Variants in SLC39A12 observed in about 807,000 individuals in gnomAD.
SLC39A12 encodes solute carrier family 39 member 12.
SLC39A12 carries 63 observed loss-of-function variants against 71.1 expected under a neutral mutation model. The ratio of observed to expected loss-of-function variants is 0.89; its 90% confidence interval spans 0.72 to 1.09. SLC39A12 has a LOEUF of 1.09. Ranked by LOEUF, SLC39A12 falls within the 50% of genes least tolerant of loss-of-function variation. The pLI is 0.00. For synonymous variants in SLC39A12, 351 were observed against 301.3 expected (o/e 1.16, Z -1.71); for missense variants, 892 against 812.6 (o/e 1.10, Z -1.19).
intron 4 of SLC39A12, among the ~76,000 whole-genome samples, chr10:17,970,441 T>C (rs1293864744): frequency 6.6e-6 from 1 of 152,220 alleles, no homozygotes; most frequent in African/African-American, 2.4e-5. Context: ...TCCATTTTCT[T>C]GGTGTCTTCT....
chr10:18,023,298 CT>C (rs1467717737), intron 12 of SLC39A12, among the ~76,000 whole-genome samples: 3 of 152,172 alleles, frequency 2.0e-5, no homozygotes, highest in Admixed American at 2.0e-4. Context: ...CAAGCCCAAG[CT>C]GCCTGGTAAA....
At chr10:18,040,263 C>G (rs1251588825) in intron 12 of SLC39A12, among the ~76,000 whole-genome samples, 1 of 151,986 alleles carries the variant, frequency 6.6e-6, no homozygotes, top group Non-Finnish European at 1.5e-5. Flanking sequence ...TTAAACCTGG[C>G]ATAAAGACAC....
intron 2 of SLC39A12, 67 bp from the exon 3 acceptor site, chr10:17,961,514 A>G: frequency 6.9e-7 from 1 of 1,458,640 alleles, no homozygotes; most frequent in Non-Finnish European, 9.3e-7. Flanking sequence ...CCTGGTGGTC[A>G]TTAGTGTTCT....
chr10:18,041,893 A>ATGTG (rs1837265767), intron 12 of SLC39A12, among the ~76,000 whole-genome samples: 1 of 148,372 alleles, frequency 6.7e-6, no homozygotes, highest in African/African-American at 2.5e-5. Flanking sequence ...ACACACATAT[A>ATGTG]TGTATATGTA....
At chr10:17,978,197 AT>A in intron 5 of SLC39A12, 123 bp downstream of exon 5, 1 of 762,622 alleles carries the variant, frequency 1.3e-6, no homozygotes, top group Non-Finnish European at 1.9e-6. Context: ...AAGTAAAAAT[AT>A]TCTAGTTCCA....
chr10:18,028,827 C>T (rs1450014864), intron 12 of SLC39A12, among the ~76,000 whole-genome samples: 1 of 152,104 alleles, frequency 6.6e-6, no homozygotes, highest in South Asian at 2.1e-4. Context: ...TCAAGCAACC[C>T]TCCAGCCTCA....
At chr10:18,027,766 GT>G (rs1271119573) in intron 12 of SLC39A12, among the ~76,000 whole-genome samples, 3 of 152,192 alleles carry the variant, frequency 2.0e-5, no homozygotes, top group African/African-American at 7.2e-5. Flanking sequence ...TGGTTTTTCA[GT>G]TGATCAGCTT....
intron 9 of SLC39A12, among the ~76,000 whole-genome samples, chr10:17,994,371 A>G (rs1835632049): frequency 6.6e-6 from 1 of 152,144 alleles, no homozygotes; most frequent in African/African-American, 2.4e-5. Flanking sequence ...AACTTTTAGG[A>G]GTGTTTGATG....
chr10:18,036,277 C>G (rs1225344381), intron 12 of SLC39A12, among the ~76,000 whole-genome samples: 1 of 152,234 alleles, frequency 6.6e-6, no homozygotes, highest in South Asian at 2.1e-4. Context: ...TGATCTCAGA[C>G]TGCTGTGCCA....
intron 2 of SLC39A12, among the ~76,000 whole-genome samples, chr10:17,956,066 T>C (rs1157975100): frequency 2.6e-5 from 4 of 152,040 alleles, no homozygotes; most frequent in African/African-American, 9.7e-5. Flanking sequence ...GAGGACCACA[T>C]GGACAAACAC....
At chr10:18,015,851 A>G (rs1836364886) in intron 12 of SLC39A12, among the ~76,000 whole-genome samples, 2 of 152,226 alleles carry the variant, frequency 1.3e-5, no homozygotes, top group African/African-American at 4.8e-5. Context: ...GAATGAGGCT[A>G]GCATGACTGA....
intron 4 of SLC39A12, among the ~76,000 whole-genome samples, chr10:17,976,881 G>A (rs1469621390): frequency 2.6e-5 from 4 of 152,090 alleles, no homozygotes; most frequent in South Asian, 2.1e-4. Context: ...ATTTCCTCTA[G>A]TATTTTTTCT....
intron 2 of SLC39A12, 95 bp downstream of exon 2, chr10:17,953,632 C>T: frequency 1.4e-6 from 2 of 1,384,342 alleles, no homozygotes; most frequent in Non-Finnish European, 9.7e-7. Context: ...AAATCACAGG[C>T]AAATCTTCCA....
chr10:17,952,188 G>C (rs886908008), intron 1 of SLC39A12, among the ~76,000 whole-genome samples, 163 bp downstream of exon 1: 15 of 152,078 alleles, frequency 9.9e-5, no homozygotes, highest in Non-Finnish European at 1.9e-4. Flanking sequence ...GGCCAGGATC[G>C]GACATGAGAT....
intron 4 of SLC39A12, among the ~76,000 whole-genome samples, chr10:17,975,359 T>C (rs74118065): frequency 0.023 from 3,428 of 152,144 alleles, 119 homozygotes; most frequent in African/African-American, 0.075. Flanking sequence ...TTGTTTAGGG[T>C]CCAAGAGCTC....
rs1046917505 is a variant in SLC39A12, at chr10:17,975,922, G to T, written c.752-1980G>T. Among the ~76,000 whole-genome samples the T allele has an allele frequency of 7.2e-5, 11 of 152,176 alleles. No homozygotes were observed. The South Asian group carries it at 2.1e-3, about 29-fold the overall frequency. On this transcript the variant is annotated intron_variant, in intron 4 of 12. Coordinates refer to ENST00000377369, the MANE Select transcript of SLC39A12 (RefSeq NM_001145195.2). The stretch of plus-strand genomic sequence containing the variant: ...CCATGGGCAGATGTCAGCTGAGTTT[G>T]GTCCTGTTTTCCTTTCTGCTTTAAC...
At chr10:17,991,796 C>T (rs1385385123) in intron 8 of SLC39A12, among the ~76,000 whole-genome samples, 1 of 152,002 alleles carries the variant, frequency 6.6e-6, no homozygotes, top group East Asian at 1.9e-4. Context: ...TGATAAATGT[C>T]TACAGATATG....
chr10:18,038,109 T>G (rs72780036), intron 12 of SLC39A12, among the ~76,000 whole-genome samples: 1 of 122,746 alleles, frequency 8.1e-6, no homozygotes, highest in African/African-American at 3.0e-5. Flanking sequence ...TAAAAAAAAA[T>G]ACAGGAGCCT....
chr10:17,955,086 G>A (rs781983600), intron 2 of SLC39A12, among the ~76,000 whole-genome samples: 9 of 152,162 alleles, frequency 5.9e-5, no homozygotes, highest in Non-Finnish European at 7.4e-5. Context: ...CTGAGGATTC[G>A]CTTCAGGGGA....
Sources: gnomAD v4.1 joint callset for allele counts (sites outside exome capture counted in the v4.1 genomes callset) on GRCh38, gnomAD v4.1.1 for gene constraint, MANE v1.5 for transcripts, NCBI Gene and HGNC (gene_info 2026-07-23, HGNC 2026-07-21) for gene names.